BDP1: variants seen among roughly 807,000 people sequenced by gnomAD.
BDP1 encodes transcription factor TFIIIB component B'' homolog.
In BDP1, 169 loss-of-function variants were observed where a neutral mutation model predicts 266.6. The ratio of observed to expected loss-of-function variants is 0.63; its 90% confidence interval spans 0.56 to 0.72. The LOEUF (loss-of-function observed/expected upper bound fraction) is 0.72. BDP1 is among the 30% of genes least tolerant of loss of function. The pLI is 0.00. For synonymous variants in BDP1, 1,090 were observed against 1,022.4 expected, an observed-to-expected ratio of 1.07 and a Z score of -1.26; for missense variants, 3,015 against 3,053.8, an observed-to-expected ratio of 0.99 and a Z score of 0.30.
At chr5:71,498,259 G>A (rs1367071578) in intron 13 of BDP1, among the ~76,000 whole-genome samples, 2 of 150,564 alleles carry the variant, frequency 1.3e-5, no homozygotes, top group Admixed American at 6.6e-5. Flanking sequence ...CTGATTTTCT[G>A]TTTTAAGTTA....
At chr5:71,524,395 A>G (rs1765662564) in intron 25 of BDP1, 72 bp downstream of exon 25, 3 of 1,392,524 alleles carry the variant, frequency 2.2e-6, no homozygotes, top group Non-Finnish European at 2.9e-6. Context: ...TTAGGGGATC[A>G]TTATTTCTTC....
At chr5:71,542,978 G>GA (rs1458790236) in intron 30 of BDP1, among the ~76,000 whole-genome samples, 1 of 152,150 alleles carries the variant, frequency 6.6e-6, no homozygotes, top group African/African-American at 2.4e-5. Flanking sequence ...ATAGAGAAAT[G>GA]AAAATGTTAC....
rs1292385596 is a variant in BDP1 at position 71,497,430 on chromosome 5, T to C, written c.1956+4T>C. On this transcript the variant is annotated splice_donor_region_variant and intron_variant, in intron 13 of 38. Transcript: ENST00000358731. ...TTCAAAAACTTCAGTTGAAAAGGTA[T>C]GGGGTAAGAGATTTCATGGAAATTA... The C allele has an allele frequency of 1.1e-5, 18 of 1,606,536 alleles. No individual in the cohort carries two copies. The highest frequency in any genetic ancestry group is 3.3e-4 in the Middle Eastern group (2 of 6,054).
chr5:71,457,307 G>GTTTTTTTTTTTTTTTTTT (rs780891505), intron 1 of BDP1, among the ~76,000 whole-genome samples: 1 of 126,056 alleles, frequency 7.9e-6, no homozygotes, highest in South Asian at 2.6e-4. Context: ...TGGGAAAGTG[G>GTTTTTTTTTTTTTTTTTT]TTTTTTTTTT....
chr5:71,473,716 A>G lies in BDP1; in HGVS notation c.1014+3227A>G, dbSNP rs185019068. On this transcript the variant is annotated intron_variant, in intron 7 of 38. Transcript: ENST00000358731. ...TATTATACTTTAAGTTTTAGGGTAC[A>G]TGTGCACAACGTGCAGATTTGTTAC... Among the ~76,000 whole-genome samples, 646 of 152,062 alleles carry G rather than the reference A, an allele frequency of 4.2e-3. 6 individuals carry two copies. Among genetic ancestry groups the G allele is most frequent in the African/African-American group, 0.015 (612 of 41,452 alleles).
intron 7 of BDP1, among the ~76,000 whole-genome samples, chr5:71,471,688 G>A (rs953087402): frequency 6.6e-6 from 1 of 152,246 alleles, no homozygotes; most frequent in African/African-American, 2.4e-5. Flanking sequence ...AGTTTTCTGG[G>A]TTTAAGTGCA....
At chr5:71,569,866 A>G (rs189487532), downstream of BDP1, among the ~76,000 whole-genome samples, 167 of 152,334 alleles carry the variant, frequency 1.1e-3, no homozygotes, top group African/African-American at 3.9e-3. Flanking sequence ...ACAAAACAAA[A>G]AAATGTGAAA....
At position 71,510,561 on chromosome 5, in the gene BDP1, G is replaced by T. The variant is rs747039678; in HGVS notation, c.3469G>T (p.Glu1157Ter). ...ETGRREISPE[E>*]NGPEEVKPVD... is the part of the protein sequence containing the mutation. ...TGGAAGAAGAGAAATATCCCCAGAGGAAAATGGCCCAGAGGAGGTCAAGCC... is the reference window on the plus strand; with the variant it reads ...TGGAAGAAGAGAAATATCCCCAGAGTAAAATGGCCCAGAGGAGGTCAAGCC... The change falls in exon 17 of 39, where the codon GAA becomes TAA. Residue 1157 changes from glutamate to a stop codon, truncating the protein, a stop_gained. Transcript: ENST00000358731. LOFTEE classifies it high-confidence loss of function. The T allele has an allele frequency of 1.2e-6, 2 of 1,613,852 alleles. No individual in the cohort carries two copies. Among genetic ancestry groups the T allele is most frequent in the Non-Finnish European group, 1.7e-6 (2 of 1,179,976 alleles).
intron 5 of BDP1, 88 bp from the exon 6 acceptor site, chr5:71,467,266 A>C (rs1761960708): frequency 1.8e-6 from 2 of 1,141,040 alleles, no homozygotes; most frequent in Non-Finnish European, 2.5e-6. Flanking sequence ...TTGCCATGCT[A>C]AACCTCAAAA....
At chr5:71,514,857 C>T (rs558017913) in intron 19 of BDP1, 87 bp from the exon 20 acceptor site, 19 of 903,954 alleles carry the variant, frequency 2.1e-5, no homozygotes, top group Middle Eastern at 2.9e-4. Flanking sequence ...TTATTCTTCA[C>T]GAAGATGATA....
chr5:71,463,226 GT>G (rs1156723716), intron 3 of BDP1, among the ~76,000 whole-genome samples: 1 of 152,204 alleles, frequency 6.6e-6, no homozygotes, highest in African/African-American at 2.4e-5. Flanking sequence ...CAGTAGTAGT[GT>G]GATTAATAAA....
At chr5:71,509,400 ACAT>A in intron 16 of BDP1, 62 bp from the exon 17 acceptor site, 1 of 1,460,664 alleles carries the variant, frequency 6.8e-7, no homozygotes, top group East Asian at 2.4e-5. Flanking sequence ...GATTTCTCAA[ACAT>A]CATCTCTTCA....
chr5:71,484,209 G>C (rs187322416), intron 8 of BDP1, among the ~76,000 whole-genome samples: 156 of 152,254 alleles, frequency 1.0e-3, no homozygotes, highest in African/African-American at 3.7e-3. Context: ...ATTGTTTCTG[G>C]AAGACAGTAC....
downstream of BDP1, among the ~76,000 whole-genome samples, chr5:71,571,741 C>T (rs1395558203): frequency 6.6e-6 from 1 of 152,174 alleles, no homozygotes; most frequent in African/African-American, 2.4e-5. Flanking sequence ...TCAAGAAATT[C>T]TCCTGCCTCA....
At chr5:71,469,183 G>T (rs562785306) in intron 6 of BDP1, among the ~76,000 whole-genome samples, 87 of 152,164 alleles carry the variant, frequency 5.7e-4, no homozygotes, top group Non-Finnish European at 8.7e-4. Context: ...CTGTCACCCA[G>T]GCTGGAGTGC....
At chr5:71,511,266 T>A in intron 17 of BDP1, 115 bp downstream of exon 17, 3 of 1,044,720 alleles carry the variant, frequency 2.9e-6, no homozygotes, top group Non-Finnish European at 4.2e-6. Flanking sequence ...TCTAAAAGTC[T>A]AAAGTCTTTT....
chr5:71,520,107 C>T (rs1765423219), intron 22 of BDP1, among the ~76,000 whole-genome samples: 1 of 152,096 alleles, frequency 6.6e-6, no homozygotes, highest in Non-Finnish European at 1.5e-5. Flanking sequence ...ATTTGTATGT[C>T]TTTTGAGAAC....
At chr5:71,485,327 A>AT (rs974630128) in intron 8 of BDP1, among the ~76,000 whole-genome samples, 31 of 150,822 alleles carry the variant, frequency 2.1e-4, no homozygotes, top group South Asian at 1.1e-3. Context: ...TCTATTGGAA[A>AT]TTTTTTTTTT....
intron 15 of BDP1, among the ~76,000 whole-genome samples, chr5:71,503,480 GA>G (rs1481729899): frequency 6.6e-6 from 1 of 152,128 alleles, no homozygotes; most frequent in African/African-American, 2.4e-5. Context: ...GTGGATGTTT[GA>G]ATTAATCTTT....
Sources: allele counts gnomAD v4.1 joint callset (sites outside exome capture counted in the v4.1 genomes callset), GRCh38; gene constraint gnomAD v4.1.1; transcripts MANE v1.5; gene names NCBI Gene and HGNC (gene_info 2026-07-23, HGNC 2026-07-21).